Variants in CYTH3 observed in about 807,000 individuals in gnomAD.
The protein encoded by CYTH3 is cytohesin 3, also known as cytohesin-3.
In CYTH3, 23 loss-of-function variants were observed where a neutral mutation model predicts 55.1. That is an observed-to-expected ratio of 0.42 (90% confidence interval 0.30 to 0.59). The LOEUF is 0.59. Ranked by LOEUF, CYTH3 falls within the 20% of genes least tolerant of loss-of-function variation. The pLI is 0.20. For missense variants in CYTH3, 413 were observed against 524.8 expected (o/e 0.79, Z 2.08); for synonymous variants, 249 against 194.9 (o/e 1.28, Z -2.31).
chr7:6,225,151 AATCT>A (rs1779213938), intron 1 of CYTH3, among the ~76,000 whole-genome samples: 2 of 152,292 alleles, frequency 1.3e-5, no homozygotes, highest in South Asian at 4.2e-4. Flanking sequence ...ACAAATTATT[AATCT>A]ATCATTATTG....
chr7:6,198,294 T>G (rs1273703218), intron 1 of CYTH3, among the ~76,000 whole-genome samples: 4 of 152,224 alleles, frequency 2.6e-5, no homozygotes, highest in Non-Finnish European at 5.9e-5. Context: ...AGCTTCTAAG[T>G]ACCTTGCTGT....
At chr7:6,218,916 A>G (rs1784484581) in intron 1 of CYTH3, among the ~76,000 whole-genome samples, 2 of 151,168 alleles carry the variant, frequency 1.3e-5, no homozygotes, top group Non-Finnish European at 2.9e-5. Context: ...GAGGCAGGAG[A>G]ATCGCTTGAA....
In CYTH3 at chr7:6,164,933, A is replaced by C; in HGVS notation, c.*11T>G. 1 of 1,614,198 alleles carries C rather than the reference A, an allele frequency of 6.2e-7. No homozygotes were observed. Among genetic ancestry groups the C allele is most frequent in the Non-Finnish European group, 8.5e-7 (1 of 1,180,022 alleles). On this transcript the variant is annotated 3_prime_UTR_variant, in exon 13 of 13. Transcript: ENST00000350796. The stretch of plus-strand genomic sequence containing the variant: ...GTTGGGTCTTTTACCTGGGTCTTTT[A>C]GCCAGGAAAGCTATTTTTTATTGGC...
intron 6 of CYTH3, chr7:6,172,737 T>G (rs1375426699): frequency 8.2e-7 from 1 of 1,226,866 alleles, no homozygotes; most frequent in African/African-American, 1.6e-5. Context: ...TCACCAGGCC[T>G]GCACCCTTCT....
chr7:6,209,929 G>C (rs1784286019), intron 1 of CYTH3, among the ~76,000 whole-genome samples: 1 of 152,176 alleles, frequency 6.6e-6, no homozygotes, highest in South Asian at 2.1e-4. Context: ...GACAACAGAA[G>C]GATCAGTGGT....
chr7:6,185,497 C>G (rs1291579480), intron 4 of CYTH3, among the ~76,000 whole-genome samples: 2 of 151,976 alleles, frequency 1.3e-5, no homozygotes, highest in East Asian at 1.9e-4. Flanking sequence ...GAGATCGAGA[C>G]CATCCTAGCT....
rs375250732 is a variant in CYTH3 at position 6,187,704 on chromosome 7, A to G, written c.135T>C (p.Ile45=). Reference sequence around the variant, plus strand: ...TGTCGATCTCTGTCATCACCTCTGCAATTTCATATTTCAGCCTCTGTCAAA... The same window carrying G: ...TGTCGATCTCTGTCATCACCTCTGCGATTTCATATTTCAGCCTCTGTCAAA... The part of the protein sequence containing the change: ...IDDIERLKYE[I]AEVMTEIDNL... Residue 45 remains isoleucine (I), a synonymous_variant, in exon 3 of 13, where the codon ATT becomes ATC. Coordinates refer to ENST00000350796, the MANE Select transcript of CYTH3 (RefSeq NM_004227.4). 4.9e-5 allele frequency: 79 copies of G among 1,614,034 alleles called. No individual in the cohort carries two copies. The highest frequency in any genetic ancestry group is 6.4e-5 in the Non-Finnish European group (75 of 1,180,014).
intron 1 of CYTH3, among the ~76,000 whole-genome samples, chr7:6,200,659 T>C (rs1784038352): frequency 6.6e-6 from 1 of 152,242 alleles, no homozygotes; most frequent in South Asian, 2.1e-4. Context: ...CTTTGAGCAC[T>C]AGTCCCAGTT....
chr7:6,243,665 C>T (rs1261102696), intron 1 of CYTH3, among the ~76,000 whole-genome samples: 2 of 152,200 alleles, frequency 1.3e-5, no homozygotes, highest in Non-Finnish European at 2.9e-5. Flanking sequence ...TACAGCCAGC[C>T]ATTCCAAATG....
intron 1 of CYTH3, among the ~76,000 whole-genome samples, chr7:6,206,223 T>C (rs1016678655): frequency 6.6e-6 from 1 of 152,182 alleles, no homozygotes; most frequent in African/African-American, 2.4e-5. Context: ...AACAGATGAA[T>C]GGATTTAAAA....
At position 6,267,744 on chromosome 7, in the gene CYTH3, G is replaced by T. The variant is rs770072485; in HGVS notation, c.34+4730C>A. ...TCACCACATTGGCCAGACTGGTCTC[G>T]AACTCCTGACCTCATGATCTACCCG... On this transcript the variant is annotated intron_variant, in intron 1 of 12. Coordinates refer to ENST00000350796, the MANE Select transcript of CYTH3 (RefSeq NM_004227.4). Among the ~76,000 whole-genome samples the T allele has an allele frequency of 1.7e-3, 260 of 152,190 alleles. 2 individuals are homozygous for T. The highest frequency in any genetic ancestry group is 1.6e-3 in the Non-Finnish European group (112 of 67,998).
chr7:6,195,152 AATTT>A (rs1341647971), intron 1 of CYTH3, among the ~76,000 whole-genome samples: 10 of 152,212 alleles, frequency 6.6e-5, no homozygotes, highest in African/African-American at 1.9e-4. Flanking sequence ...AAAGAGAACA[AATTT>A]ATTAATATTT....
At chr7:6,241,025 G>C (rs972223222) in intron 1 of CYTH3, among the ~76,000 whole-genome samples, 7 of 152,048 alleles carry the variant, frequency 4.6e-5, no homozygotes, top group African/African-American at 1.4e-4. Context: ...AGGAGGCTGA[G>C]GCTGGAGAAT....
Position 6,177,888 on chromosome 7 carries a change from G to A in CYTH3, c.303C>T (p.Val101=), listed in dbSNP as rs370141772. 34 of 1,614,032 alleles carry A rather than the reference G, an allele frequency of 2.1e-5. No homozygotes were observed. Among genetic ancestry groups the A allele is most frequent in the East Asian group, 2.2e-5 (1 of 44,898 alleles). Residue 101 remains valine (V), a synonymous_variant, in exon 5 of 13, where the codon GTC becomes GTT. Coordinates refer to ENST00000350796, the MANE Select transcript of CYTH3 (RefSeq NM_004227.4). ...NDLLQSSPED[V]AQFLYKGEGL... ...CTTCTCCTTTATAAAGGAACTGGGC[G>A]ACGTCTTCTGGGGAACTCTGTAGCA...
In CYTH3 at chr7:6,264,504, C is replaced by G. The variant is rs556238268; in HGVS notation, c.34+7970G>C. Among the ~76,000 whole-genome samples, 4 of 152,134 alleles carry G rather than the reference C, an allele frequency of 2.6e-5. No individual in the cohort carries two copies. In the East Asian group the frequency reaches 5.8e-4, roughly 22 times the overall value. Reference sequence around the variant, plus strand: ...GCGCCTGCCTGTAATCCCAGCTACTCGGAAGGCTGAGGCAGAAGAATCGCT... The same window carrying G: ...GCGCCTGCCTGTAATCCCAGCTACTGGGAAGGCTGAGGCAGAAGAATCGCT... On this transcript the variant is annotated intron_variant, in intron 1 of 12. Coordinates refer to ENST00000350796, the MANE Select transcript of CYTH3 (RefSeq NM_004227.4).
chr7:6,248,713 G>A lies in CYTH3; in HGVS notation c.34+23761C>T, dbSNP rs114349910. ...CCTCGCTCTCTGCTCTCCCAAATTA[G>A]CACAGCCAACACCACATCTCCATAT... is the stretch of plus-strand genomic sequence containing the variant. On this transcript the variant is annotated intron_variant, in intron 1 of 12. Transcript: ENST00000350796. 6.2e-3 allele frequency among the ~76,000 whole-genome samples: 940 copies of A among 152,330 alleles called. 9 individuals carry two copies. Among genetic ancestry groups the A allele is most frequent in the African/African-American group, 0.021 (891 of 41,568 alleles).
chr7:6,231,998 G>A (rs1271316508), intron 1 of CYTH3, among the ~76,000 whole-genome samples: 1 of 152,144 alleles, frequency 6.6e-6, no homozygotes, highest in East Asian at 1.9e-4. Context: ...GCCCCCGTTT[G>A]CATCTGAGTT....
At chr7:6,192,681 A>C (rs997785607) in intron 1 of CYTH3, among the ~76,000 whole-genome samples, 19 of 151,212 alleles carry the variant, frequency 1.3e-4, no homozygotes, top group Non-Finnish European at 2.5e-4. Flanking sequence ...ATAGGCGTGC[A>C]CCACCACGCT....
intron 1 of CYTH3, among the ~76,000 whole-genome samples, chr7:6,255,744 T>C (rs531407051): frequency 1.4e-3 from 217 of 150,424 alleles, no homozygotes; most frequent in Admixed American, 1.5e-3. Context: ...CTACCCAAGT[T>C]TGACCTTTAA....
Sources: gnomAD v4.1 joint callset for allele counts (sites outside exome capture counted in the v4.1 genomes callset) on GRCh38, gnomAD v4.1.1 for gene constraint, MANE v1.5 for transcripts, NCBI Gene and HGNC (gene_info 2026-07-23, HGNC 2026-07-21) for gene names.